CHRNA7: variants seen among roughly 807,000 people sequenced by gnomAD.
CHRNA7 encodes neuronal acetylcholine receptor subunit alpha-7.
A neutral mutation model predicts 48.0 loss-of-function variants in CHRNA7; 17 were observed. The observed-to-expected ratio is 0.35, with a 90% CI of 0.24 to 0.53. The LOEUF (loss-of-function observed/expected upper bound fraction) is 0.53. Ranked by LOEUF, CHRNA7 falls within the 20% of genes least tolerant of loss-of-function variation. CHRNA7 has a pLI of 0.92. For missense variants in CHRNA7, 155 were observed against 577.7 expected, an observed-to-expected ratio of 0.27 and a Z score of 7.50; for synonymous variants, 75 against 242.3, an observed-to-expected ratio of 0.31 and a Z score of 6.41.
chr15:32,148,362 T>G (rs578096444), intron 4 of CHRNA7, among the ~76,000 whole-genome samples: 2 of 152,340 alleles, frequency 1.3e-5, no homozygotes, highest in African/African-American at 4.8e-5. Context: ...GGTCAGATGA[T>G]GCTTTCTCTG....
At chr15:32,063,769 TA>T (rs1435897029) in intron 2 of CHRNA7, among the ~76,000 whole-genome samples, 1 of 152,202 alleles carries the variant, frequency 6.6e-6, no homozygotes, top group Non-Finnish European at 1.5e-5. Flanking sequence ...TTCATTAGCA[TA>T]ACAAGGAATT....
chr15:32,139,845 A>T (rs981546327), intron 4 of CHRNA7, among the ~76,000 whole-genome samples: 4 of 152,082 alleles, frequency 2.6e-5, no homozygotes, highest in African/African-American at 7.2e-5. Context: ...GTATATTTTT[A>T]AAAAAGAAAT....
intron 2 of CHRNA7, among the ~76,000 whole-genome samples, chr15:32,044,284 C>CTTCCTTCCTTCCTTCA (rs2049500467): frequency 1.3e-5 from 2 of 151,036 alleles, no homozygotes; most frequent in East Asian, 3.9e-4. Context: ...TCCTTCCTTC[C>CTTCCTTCCTTCCTTCA]TTCTTTTTTT....
At chr15:32,084,776 C>T (rs2050268373) in intron 2 of CHRNA7, among the ~76,000 whole-genome samples, 1 of 151,548 alleles carries the variant, frequency 6.6e-6, no homozygotes, top group Non-Finnish European at 1.5e-5. Context: ...CGAGGACAGG[C>T]TGGCGCTGCC....
rs1380978030 is a variant in CHRNA7 at position 32,149,934 on chromosome 15, G to A, written c.351-3973G>A. Among the ~76,000 whole-genome samples the A allele has an allele frequency of 2.0e-5, 3 of 151,840 alleles. No individual in the cohort carries two copies. Among genetic ancestry groups the A allele is most frequent in the African/African-American group, 4.8e-5 (2 of 41,320 alleles). ...GATGCTCAGTCTTGATTATAAATAT[G>A]AAAATCAGACAGGAAGAAACCCAAG... On this transcript the variant is annotated intron_variant, in intron 4 of 9. Coordinates refer to ENST00000306901, the MANE Select transcript of CHRNA7 (RefSeq NM_000746.6). The surrounding 1 kb of genome is among the most constrained non-coding windows in gnomAD (Gnocchi z 4.6).
At chr15:32,132,690 G>A (rs753633892) in intron 4 of CHRNA7, among the ~76,000 whole-genome samples, 1 of 152,004 alleles carries the variant, frequency 6.6e-6, no homozygotes, top group Non-Finnish European at 1.5e-5. Context: ...GGAGAGAGAG[G>A]GGCACGTGCT....
chr15:32,098,859 T>TCC (rs996680995), intron 2 of CHRNA7: 8 of 63,928 alleles, frequency 1.3e-4, no homozygotes, highest in African/African-American at 5.2e-4. Flanking sequence ...TCCTACCTCA[T>TCC]CCCCCCCCAC....
intron 2 of CHRNA7, among the ~76,000 whole-genome samples, chr15:32,062,650 G>T (rs1312999645): frequency 6.6e-6 from 1 of 152,074 alleles, no homozygotes; most frequent in Non-Finnish European, 1.5e-5. Context: ...ATTGCCTTTT[G>T]TCAACAGCTT....
At chr15:32,067,664 G>A (rs2049988183) in intron 2 of CHRNA7, among the ~76,000 whole-genome samples, 1 of 152,136 alleles carries the variant, frequency 6.6e-6, no homozygotes, top group Non-Finnish European at 1.5e-5. Context: ...TCTCTGATTT[G>A]AGATGCAACT....
intron 3 of CHRNA7, among the ~76,000 whole-genome samples, chr15:32,104,280 C>T (rs973090146): frequency 6.6e-6 from 1 of 152,074 alleles, no homozygotes; most frequent in Non-Finnish European, 1.5e-5. Context: ...GTGCCCCCCC[C>T]TCAGGGCCTT....
chr15:32,068,467 G>A (rs1248069632), intron 2 of CHRNA7, among the ~76,000 whole-genome samples: 1 of 152,180 alleles, frequency 6.6e-6, no homozygotes, highest in African/African-American at 2.4e-5. Context: ...GGCACAAATA[G>A]GTTGAAAATA....
chr15:32,149,134 G>A lies in CHRNA7; in HGVS notation c.351-4773G>A, dbSNP rs1013490954. ...TGCAAGGACGGAGAGGCCACAGGCC[G>A]GCATCTTCACAAACTGTGGATGTAC... On this transcript the variant is annotated intron_variant, in intron 4 of 9. Transcript: ENST00000306901. The surrounding 1 kb of genome is among the most constrained non-coding windows in gnomAD (Gnocchi z 4.6). Among the ~76,000 whole-genome samples, 2 of 152,194 alleles carry A rather than the reference G, an allele frequency of 1.3e-5. No individual in the cohort carries two copies. The highest frequency in any genetic ancestry group is 4.8e-5 in the African/African-American group (2 of 41,446).
chr15:32,056,441 G>A (rs2049789991), intron 2 of CHRNA7, among the ~76,000 whole-genome samples: 1 of 152,182 alleles, frequency 6.6e-6, no homozygotes, highest in Admixed American at 6.5e-5. Flanking sequence ...TGAAAGGGTT[G>A]TTAGTGGAAT....
At chr15:32,127,801 A>G (rs1173360015) in intron 4 of CHRNA7, among the ~76,000 whole-genome samples, 1 of 152,102 alleles carries the variant, frequency 6.6e-6, no homozygotes, top group African/African-American at 2.4e-5. Context: ...CAGAGTAAAC[A>G]TGTTCTTTTT....
At chr15:32,102,631 T>A (rs1425680144) in intron 3 of CHRNA7, 1 of 152,116 alleles carries the variant, frequency 6.6e-6, no homozygotes, top group African/African-American at 2.4e-5. Flanking sequence ...AAAACATAAA[T>A]TTTTATTGGC....
At position 32,054,222 on chromosome 15, in the gene CHRNA7, G is replaced by A. The variant is rs574582757; in HGVS notation, c.195+23185G>A. On this transcript the variant is annotated intron_variant, in intron 2 of 9. Coordinates refer to ENST00000306901, the MANE Select transcript of CHRNA7 (RefSeq NM_000746.6). ...ACACAGAGAAGATATTATGATCAGA[G>A]ATTTAGATTAAGCAAATTAGGGTAA... Among the ~76,000 whole-genome samples the A allele has an allele frequency of 2.5e-3, 378 of 152,292 alleles. 2 individuals carry two copies. The highest frequency in any genetic ancestry group is 8.7e-3 in the African/African-American group (360 of 41,566).
rs184358470 is a variant in CHRNA7 at position 32,086,844 on chromosome 15, C to T, written c.196-14459C>T. 3.1e-3 allele frequency among the ~76,000 whole-genome samples: 453 copies of T among 145,384 alleles called. 3 individuals carry two copies. Among genetic ancestry groups the T allele is most frequent in the African/African-American group, 0.012 (431 of 35,034 alleles). On this transcript the variant is annotated intron_variant, in intron 2 of 9. Coordinates refer to ENST00000306901, the MANE Select transcript of CHRNA7 (RefSeq NM_000746.6). ...AATGTGTTTTGGGGTAGACAGACAG[C>T]AGAGTATTATATGTTATCATATCAT...
At chr15:32,073,802 A>T (rs986920551) in intron 2 of CHRNA7, among the ~76,000 whole-genome samples, 14 of 152,122 alleles carry the variant, frequency 9.2e-5, no homozygotes, top group African/African-American at 3.4e-4. Context: ...TGCCTTCCAC[A>T]ATGATTTTAA....
chr15:32,047,213 C>A (rs2049567712), intron 2 of CHRNA7, among the ~76,000 whole-genome samples: 1 of 141,292 alleles, frequency 7.1e-6, no homozygotes, highest in Non-Finnish European at 1.5e-5. Flanking sequence ...TGAAGAAAGT[C>A]ATTGGTAGCT....
Sources: allele counts gnomAD v4.1 joint callset (sites outside exome capture counted in the v4.1 genomes callset), GRCh38; gene constraint gnomAD v4.1.1; non-coding constraint Gnocchi (gnomAD v3.1); transcripts MANE v1.5; gene names NCBI Gene and HGNC (gene_info 2026-07-23, HGNC 2026-07-21).